The following TCF4 variants were observed in gnomAD, a reference collection of about 807,000 sequenced individuals.
The protein encoded by TCF4 is SL3-3 enhancer factor 2.
Under a neutral mutation model 82.1 loss-of-function variants are expected in TCF4, and 3 were observed. The observed-to-expected ratio is 0.04, with a 90% CI of 0.02 to 0.09. The LOEUF (loss-of-function observed/expected upper bound fraction) is 0.09, where lower values mean the gene tolerates loss of function less well. Among genes scored for constraint, TCF4 ranks in the 10% least tolerant of loss-of-function variants. The pLI, the probability that TCF4 is intolerant of heterozygous loss-of-function variation, is 1.00. For synonymous variants in TCF4, 276 were observed against 309.6 expected, an observed-to-expected ratio of 0.89 and a Z score of 1.14; for missense variants, 518 against 852.7, an observed-to-expected ratio of 0.61 and a Z score of 4.89.
In TCF4 at chr18:55,586,065, A is replaced by ATTTG. The variant is rs1336062703; in HGVS notation, c.73-714_73-713insCAAA. On this transcript the variant is annotated intron_variant, in intron 2 of 19. Transcript: ENST00000354452. ...GCTGCAAAGCTGCCTGCCTAGGGCTACGTTTCCTGGCAAAACTTCCGAAAG... is the reference window on the plus strand; with the variant it reads ...GCTGCAAAGCTGCCTGCCTAGGGCTATTTGCGTTTCCTGGCAAAACTTCCGAAAG... The ATTTG allele has an allele frequency of 2.7e-5, 38 of 1,419,614 alleles. 6 individuals carry two copies. In the East Asian group the frequency reaches 1.1e-3, roughly 41 times the overall value. The allele number at this position is 1,419,614 out of a possible 1,614,324, so 87.9% of individuals were successfully genotyped here.
intron 3 of TCF4, among the ~76,000 whole-genome samples, chr18:55,535,260 A>G (rs959168728): frequency 1.3e-5 from 2 of 152,230 alleles, no homozygotes; most frequent in African/African-American, 2.4e-5. Flanking sequence ...GTCATGAGTT[A>G]GCAAACTCTT....
chr18:55,470,598 A>AT (rs202108461), intron 3 of TCF4, among the ~76,000 whole-genome samples: 9 of 152,216 alleles, frequency 5.9e-5, no homozygotes, highest in Admixed American at 3.3e-4. Flanking sequence ...TGTAACTTTC[A>AT]GCTTGATTTG....
At chr18:55,402,975 T>C (rs1304018735) in intron 6 of TCF4, among the ~76,000 whole-genome samples, 1 of 152,138 alleles carries the variant, frequency 6.6e-6, no homozygotes, top group East Asian at 1.9e-4. Context: ...GGACAACAAA[T>C]CATATTTTCA....
At chr18:55,265,595 T>C (rs1450375967) in intron 11 of TCF4, 1 of 152,216 alleles carries the variant, frequency 6.6e-6, no homozygotes, top group Non-Finnish European at 1.5e-5. Context: ...GATACAATTC[T>C]TATTACTCTT....
In TCF4 at chr18:55,600,474, A is replaced by G. The variant is rs1388618609; in HGVS notation, c.287-13338T>C. 4.6e-5 allele frequency among the ~76,000 whole-genome samples: 7 copies of G among 152,146 alleles called. No homozygotes were observed. In the East Asian group the frequency reaches 9.6e-4, roughly 21 times the overall value. On this transcript the variant is annotated intron_variant, in intron 2 of 20. Transcript: ENST00000398339. ...TGTCCTAGAGTGCTTCATTGTTCCA[A>G]TGTCTAATATTGTGTTCTACACAGG...
At chr18:55,330,176 A>AT (rs3077897) in intron 8 of TCF4, among the ~76,000 whole-genome samples, 2,608 of 110,376 alleles carry the variant, frequency 0.024, 43 homozygotes, top group African/African-American at 0.034. Context: ...GCAATGTTGG[A>AT]TTTTTTTTTT....
chr18:55,597,978 A>G (rs1436789104), intron 2 of TCF4, among the ~76,000 whole-genome samples: 1 of 152,232 alleles, frequency 6.6e-6, no homozygotes, highest in African/African-American at 2.4e-5. Context: ...AGGGGCAATG[A>G]AGAATTCATT....
intron 3 of TCF4, among the ~76,000 whole-genome samples, chr18:55,475,749 A>T (rs374650341): frequency 2.5e-4 from 38 of 152,272 alleles, no homozygotes; most frequent in East Asian, 7.7e-4. Context: ...GCTAAACTTG[A>T]CTGAAGTTTC....
Position 55,227,913 on chromosome 18 carries a change from A to C in TCF4, c.*122T>G. Reference sequence around the variant, plus strand: ...TTGCGTCTGCGATTCATAACTACTCAGACTTGTCTTATATTACAAAAATGG... The same window carrying C: ...TTGCGTCTGCGATTCATAACTACTCCGACTTGTCTTATATTACAAAAATGG... On this transcript the variant is annotated 3_prime_UTR_variant, in exon 20 of 20. Coordinates refer to ENST00000354452, the MANE Select transcript of TCF4 (RefSeq NM_001083962.2). 3.2e-6 allele frequency: 1 copy of C among 310,110 alleles called. No individual in the cohort carries two copies. The highest frequency in any genetic ancestry group is 6.1e-6 in the Non-Finnish European group (1 of 162,696). 19.2% of individuals were successfully genotyped at this position (310,110 alleles called of 1,614,324 possible). A position where few individuals can be genotyped will look rare whatever the true frequency, so the allele number is the denominator to read the frequency against.
At chr18:55,588,298 TTGCAAG>T (rs1345094251), upstream of TCF4, 4 of 1,449,666 alleles carry the variant, frequency 2.8e-6, no homozygotes, top group Admixed American at 2.6e-5. Flanking sequence ...GCGCACGGAA[TTGCAAG>T]TTCAGCAAAG....
chr18:55,362,118 A>G (rs372327102), intron 6 of TCF4, among the ~76,000 whole-genome samples: 3 of 152,094 alleles, frequency 2.0e-5, no homozygotes, highest in East Asian at 1.9e-4. Context: ...CTTATCTCCA[A>G]TGACTGCTAG....
chr18:55,346,430 C>A (rs1362143151), intron 8 of TCF4, among the ~76,000 whole-genome samples: 1 of 152,146 alleles, frequency 6.6e-6, no homozygotes, highest in Non-Finnish European at 1.5e-5. Flanking sequence ...GCCAGGTCCT[C>A]CTGAGTTTTA....
chr18:55,438,874 G>C (rs1326274448), intron 5 of TCF4, among the ~76,000 whole-genome samples: 2 of 152,242 alleles, frequency 1.3e-5, no homozygotes, highest in African/African-American at 4.8e-5. Flanking sequence ...TTGCATTAAT[G>C]AGTATCTTAA....
chr18:55,428,572 A>G (rs2095073802), intron 5 of TCF4, among the ~76,000 whole-genome samples: 1 of 152,202 alleles, frequency 6.6e-6, no homozygotes, highest in Non-Finnish European at 1.5e-5. Context: ...CTGGGGTTTT[A>G]CAGAAACTAA....
chr18:55,461,925 A>AC (rs2095873705), intron 4 of TCF4, among the ~76,000 whole-genome samples: 1 of 152,186 alleles, frequency 6.6e-6, no homozygotes, highest in Non-Finnish European at 1.5e-5. Flanking sequence ...AAAATCATCT[A>AC]TACTACATGG....
rs1047111026 is a variant in TCF4, at chr18:55,318,501, GA to G, written c.549+31857del. 1.6e-4 allele frequency among the ~76,000 whole-genome samples: 24 copies of G among 150,432 alleles called. No individual in the cohort carries two copies. The East Asian group carries it at 2.3e-3, about 15-fold the overall frequency. ...GTATTTAAACCTCTAATGCATAGAG[GA>G]AAAAAAAATCACAAAAATTATTTTA... On this transcript the variant is annotated intron_variant, in intron 8 of 19. Transcript: ENST00000354452.
intron 3 of TCF4, among the ~76,000 whole-genome samples, chr18:55,478,025 T>G (rs1438403901): frequency 6.6e-6 from 1 of 152,148 alleles, no homozygotes; most frequent in African/African-American, 2.4e-5. Flanking sequence ...ATGGAAGATA[T>G]GTCATTAGTG....
intron 5 of TCF4, among the ~76,000 whole-genome samples, chr18:55,442,705 A>T (rs897426308): frequency 6.6e-6 from 1 of 152,248 alleles, no homozygotes; most frequent in Non-Finnish European, 1.5e-5. Context: ...ATGAAATCTG[A>T]GATCTCAGAA....
chr18:55,583,984 G>T (rs1469822570), intron 3 of TCF4, among the ~76,000 whole-genome samples: 1 of 151,984 alleles, frequency 6.6e-6, no homozygotes, highest in African/African-American at 2.4e-5. Context: ...CAAACATATT[G>T]TCTGTCAATG....
Sources: allele counts gnomAD v4.1 joint callset (sites outside exome capture counted in the v4.1 genomes callset), GRCh38; gene constraint gnomAD v4.1.1; transcripts MANE v1.5; gene names NCBI Gene and HGNC (gene_info 2026-07-23, HGNC 2026-07-21).